The following BNC2 variants were observed in gnomAD, a reference collection of about 807,000 sequenced individuals.
BNC2 encodes basonuclin zinc finger protein 2.
In BNC2, 20 loss-of-function variants were observed where a neutral mutation model predicts 76.3. The observed-to-expected ratio is 0.26, with a 90% confidence interval of 0.18 to 0.38. The LOEUF is 0.38. Among genes scored for constraint, BNC2 ranks in the 10% least tolerant of loss-of-function variants. The pLI, the probability that BNC2 is intolerant of heterozygous loss-of-function variation, is 1.00. For synonymous variants in BNC2, 582 were observed against 514.8 expected (o/e 1.13, Z -1.77); for missense variants, 1,382 against 1,399.8 (o/e 0.99, Z 0.20).
At chr9:16,859,926 T>C (rs1819355930) in intron 1 of BNC2, among the ~76,000 whole-genome samples, 1 of 152,086 alleles carries the variant, frequency 6.6e-6, no homozygotes, top group Admixed American at 6.6e-5. Context: ...TGGAGAACAG[T>C]CTGGCCAACA....
At chr9:16,558,338 G>A (rs2132633674) in intron 4 of BNC2, among the ~76,000 whole-genome samples, 1 of 152,312 alleles carries the variant, frequency 6.6e-6, no homozygotes, top group African/African-American at 2.4e-5. Context: ...TGTACCTAAT[G>A]AATATGCTTG....
chr9:16,851,933 G>A (rs1182399365), intron 1 of BNC2, among the ~76,000 whole-genome samples: 1 of 152,054 alleles, frequency 6.6e-6, no homozygotes, highest in Non-Finnish European at 1.5e-5. Context: ...TCCACCAGAG[G>A]ATGAATATTA....
chr9:16,795,406 A>C (rs1817619032), intron 1 of BNC2, among the ~76,000 whole-genome samples: 1 of 147,524 alleles, frequency 6.8e-6, no homozygotes, highest in African/African-American at 2.5e-5. Context: ...TTTTAAACAC[A>C]CTCCAGAAGT....
chr9:16,598,043 T>C (rs1356810996), intron 3 of BNC2, among the ~76,000 whole-genome samples: 2 of 152,134 alleles, frequency 1.3e-5, no homozygotes, highest in Non-Finnish European at 2.9e-5. Context: ...AAGAACCATA[T>C]ACTGTAATAT....
chr9:16,854,004 G>A (rs888226828), intron 1 of BNC2, among the ~76,000 whole-genome samples: 1 of 152,214 alleles, frequency 6.6e-6, no homozygotes, highest in African/African-American at 2.4e-5. Flanking sequence ...TAAGTTCATA[G>A]ACATGGGACT....
At chr9:16,481,336 C>A (rs528692629) in intron 5 of BNC2, among the ~76,000 whole-genome samples, 1 of 152,146 alleles carries the variant, frequency 6.6e-6, no homozygotes, top group Non-Finnish European at 1.5e-5. Flanking sequence ...CCTTCCACAT[C>A]GTGGAAGCTT....
At chr9:16,799,096 T>A (rs1817723037) in intron 1 of BNC2, among the ~76,000 whole-genome samples, 1 of 152,124 alleles carries the variant, frequency 6.6e-6, no homozygotes, top group Non-Finnish European at 1.5e-5. Context: ...CATGTCAAAA[T>A]CAGTTATAAT....
intron 5 of BNC2, among the ~76,000 whole-genome samples, chr9:16,508,036 TAAG>T (rs916435920): frequency 1.3e-5 from 2 of 152,190 alleles, no homozygotes; most frequent in African/African-American, 4.8e-5. Flanking sequence ...GCACAGAGTA[TAAG>T]AAGATAAGCA....
chr9:16,864,348 T>G lies in BNC2; in HGVS notation c.3+6298A>C, dbSNP rs1480347797. Among the ~76,000 whole-genome samples the G allele has an allele frequency of 3.3e-5, 5 of 152,238 alleles. No individual in the cohort carries two copies. In the South Asian group the frequency reaches 1.0e-3, roughly 31 times the overall value. On this transcript the variant is annotated intron_variant, in intron 1 of 6. Coordinates refer to ENST00000380672, the MANE Select transcript of BNC2 (RefSeq NM_017637.6). ...TTCATATATATGATTTAGTCAGTAC[T>G]AAAAATAGTTATGTTAGTCACCAGA...
At position 16,418,029 on chromosome 9, in the gene BNC2, G is replaced by A. The variant is rs745679392; in HGVS notation, c.*960C>T. On this transcript the variant is annotated 3_prime_UTR_variant, in exon 7 of 7. Transcript: ENST00000380672. ...TTGTGTTAACACTAATACTTTGTTT[G>A]GCATTTGTGCCCTATACTGACCAGA... is the stretch of plus-strand genomic sequence containing the variant. 5 of 152,554 alleles carry A rather than the reference G, an allele frequency of 3.3e-5. No individual in the cohort carries two copies. The highest frequency in any genetic ancestry group is 1.9e-4 in the East Asian group (1 of 5,200). The allele number at this position is 152,554 out of a possible 1,614,324, so 9.5% of individuals were successfully genotyped here.
chr9:16,805,694 A>T (rs910914671), intron 1 of BNC2, among the ~76,000 whole-genome samples: 3 of 144,792 alleles, frequency 2.1e-5, no homozygotes, highest in Admixed American at 7.0e-5. Flanking sequence ...AAGTACTTAC[A>T]TGTATAATTT....
intron 5 of BNC2, among the ~76,000 whole-genome samples, chr9:16,526,522 T>G (rs548941116): frequency 2.2e-5 from 3 of 137,996 alleles, no homozygotes; most frequent in Non-Finnish European, 3.1e-5. Context: ...CTCTCGGCCA[T>G]TTCCTGAGCC....
At chr9:16,784,125 T>A (rs572395224) in intron 1 of BNC2, among the ~76,000 whole-genome samples, 1 of 152,262 alleles carries the variant, frequency 6.6e-6, no homozygotes, top group African/African-American at 2.4e-5. Context: ...AACATGACTA[T>A]CTTCTTAGTC....
chr9:16,485,516 C>G (rs990070990), intron 5 of BNC2, among the ~76,000 whole-genome samples: 5 of 152,188 alleles, frequency 3.3e-5, no homozygotes, highest in African/African-American at 1.2e-4. Context: ...TTTGCATTAA[C>G]CCAGTCAAGG....
chr9:16,748,622 C>T (rs1825080688), intron 1 of BNC2, among the ~76,000 whole-genome samples: 1 of 151,922 alleles, frequency 6.6e-6, no homozygotes, highest in African/African-American at 2.4e-5. Flanking sequence ...GTGGGTGGAC[C>T]ACTTGAGGTC....
chr9:16,785,246 A>C (rs1482708197), intron 1 of BNC2, among the ~76,000 whole-genome samples: 1 of 152,202 alleles, frequency 6.6e-6, no homozygotes, highest in East Asian at 1.9e-4. Context: ...CCCACTGGGC[A>C]GGTTTGTGCG....
intron 3 of BNC2, among the ~76,000 whole-genome samples, chr9:16,705,956 T>A (rs1823657674): frequency 6.6e-6 from 1 of 151,960 alleles, no homozygotes; most frequent in African/African-American, 2.4e-5. Context: ...CAATATTAGA[T>A]CAAAAAACTG....
intron 6 of BNC2, chr9:16,434,725 A>T (rs895255619): frequency 4.8e-6 from 2 of 419,494 alleles, no homozygotes; most frequent in Middle Eastern, 3.5e-4. Context: ...CTTAAGCCCA[A>T]CTGTTTCAGA....
At chr9:16,772,304 G>C (rs1399607826) in intron 1 of BNC2, among the ~76,000 whole-genome samples, 1 of 151,898 alleles carries the variant, frequency 6.6e-6, no homozygotes, top group African/African-American at 2.4e-5. Flanking sequence ...TCTCCTACAG[G>C]GGCAAGTGAA....
Sources: gnomAD v4.1 joint callset for allele counts (sites outside exome capture counted in the v4.1 genomes callset) on GRCh38, gnomAD v4.1.1 for gene constraint, MANE v1.5 for transcripts, NCBI Gene and HGNC (gene_info 2026-07-23, HGNC 2026-07-21) for gene names.